The following MAP4K4 variants were observed in gnomAD, a reference collection of about 807,000 sequenced individuals.
MAP4K4 encodes HPK/GCK-like kinase HGK.
A neutral mutation model predicts 189.6 loss-of-function variants in MAP4K4; 38 were observed. The ratio of observed to expected loss-of-function variants is 0.20; its 90% CI spans 0.15 to 0.26. The LOEUF (loss-of-function observed/expected upper bound fraction) is 0.26, where lower values mean the gene tolerates loss of function less well. Among genes scored for constraint, MAP4K4 ranks in the 10% least tolerant of loss-of-function variants. The pLI is 1.00. For synonymous variants in MAP4K4, 610 were observed against 624.3 expected, an observed-to-expected ratio of 0.98 and a Z score of 0.34; for missense variants, 1,054 against 1,726.9, an observed-to-expected ratio of 0.61 and a Z score of 6.91.
At chr2:101,866,152 T>G (rs572215688) in intron 18 of MAP4K4, among the ~76,000 whole-genome samples, 45 of 152,352 alleles carry the variant, frequency 3.0e-4, no homozygotes, top group African/African-American at 1.1e-3. Context: ...ATGGTGCTGC[T>G]TCTACACTGA....
intron 2 of MAP4K4, among the ~76,000 whole-genome samples, chr2:101,710,877 T>C (rs796679042): frequency 3.3e-5 from 5 of 152,290 alleles, no homozygotes; most frequent in African/African-American, 1.2e-4. Flanking sequence ...AGGGGTGTGT[T>C]CCATTGATTA....
chr2:101,890,372 G>GTTGGC (rs2098548548), intron 32 of MAP4K4, among the ~76,000 whole-genome samples: 1 of 152,194 alleles, frequency 6.6e-6, no homozygotes, highest in Admixed American at 6.5e-5. Flanking sequence ...ACAAGCCTGA[G>GTTGGC]TTGTAATAAA....
rs547261127 is a variant in MAP4K4 at position 101,728,079 on chromosome 2, G to A, written c.123+29541G>A. ...TGGCTTGCTCTCATTAAATAACTGA[G>A]GAAACACCCAGGTTACCTCTTTAAG... On this transcript the variant is annotated intron_variant, in intron 2 of 32. Transcript: ENST00000324219. 1.6e-3 allele frequency among the ~76,000 whole-genome samples: 239 copies of A among 152,286 alleles called. 1 individual carries two copies. The highest frequency in any genetic ancestry group is 5.3e-3 in the African/African-American group (220 of 41,550).
At chr2:101,704,455 AT>A (rs2149200220) in intron 2 of MAP4K4, among the ~76,000 whole-genome samples, 1 of 149,226 alleles carries the variant, frequency 6.7e-6, no homozygotes, top group Non-Finnish European at 1.5e-5. Flanking sequence ...TTTGTGATAA[AT>A]GTACATTTAT....
chr2:101,698,085 C>A, exon 1 of MAP4K4: 1 of 1,325,930 alleles, frequency 7.5e-7, no homozygotes, highest in Non-Finnish European at 1.0e-6. Context: ...GGGAAAATGG[C>A]GAACGACTCC....
chr2:101,703,903 C>T (rs955115392), intron 2 of MAP4K4, among the ~76,000 whole-genome samples: 1 of 151,920 alleles, frequency 6.6e-6, no homozygotes, highest in African/African-American at 2.4e-5. Context: ...CCCAGCTACC[C>T]AGGAGGCTGA....
chr2:101,738,215 G>C (rs933577599), intron 2 of MAP4K4, among the ~76,000 whole-genome samples: 6 of 152,182 alleles, frequency 3.9e-5, no homozygotes, highest in Admixed American at 1.3e-4. Context: ...TAAAGACTGG[G>C]ATATTTCCAA....
At chr2:101,819,531 T>G (rs1433928948) in intron 3 of MAP4K4, among the ~76,000 whole-genome samples, 1 of 152,248 alleles carries the variant, frequency 6.6e-6, no homozygotes, top group Non-Finnish European at 1.5e-5. Flanking sequence ...TTTAAAATCA[T>G]AAAATCAAGA....
At chr2:101,704,561 ATATATATTTTTTTTTT>A (rs766959898) in intron 2 of MAP4K4, among the ~76,000 whole-genome samples, 2 of 53,840 alleles carry the variant, frequency 3.7e-5, no homozygotes, top group Non-Finnish European at 5.9e-5. Flanking sequence ...ATATATATAT[ATATATATTTTTTTTTT>A]TTTTTTTTTT....
chr2:101,796,765 T>C (rs1294244624), intron 3 of MAP4K4, among the ~76,000 whole-genome samples: 2 of 152,140 alleles, frequency 1.3e-5, no homozygotes, highest in Non-Finnish European at 2.9e-5. Context: ...GCATGATGTC[T>C]TTTGGGAGCC....
intron 28 of MAP4K4, among the ~76,000 whole-genome samples, chr2:101,883,886 C>G (rs1438030144): frequency 6.6e-6 from 1 of 152,074 alleles, no homozygotes; most frequent in Non-Finnish European, 1.5e-5. Flanking sequence ...GAAAGTAGAA[C>G]TATCTGCTTA....
intron 2 of MAP4K4, among the ~76,000 whole-genome samples, chr2:101,773,334 G>T (rs973319578): frequency 2.0e-5 from 3 of 152,246 alleles, no homozygotes; most frequent in Non-Finnish European, 4.4e-5. Context: ...GGATGTGTCT[G>T]TCTGTTGAGG....
chr2:101,841,168 T>G (rs2149544473), intron 10 of MAP4K4, among the ~76,000 whole-genome samples: 1 of 152,302 alleles, frequency 6.6e-6, no homozygotes, highest in Non-Finnish European at 1.5e-5. Context: ...CACCTTCCCT[T>G]CCTTTCTCTT....
At position 101,841,039 on chromosome 2, in the gene MAP4K4, T is replaced by C. The variant is rs946240187; in HGVS notation, c.949+1045T>C. On this transcript the variant is annotated intron_variant, in intron 10 of 32. Coordinates refer to ENST00000324219, the Ensembl canonical transcript of MAP4K4. ...GGAAAAAAATTATTTGCATATTGGA[T>C]CATTTTCCCATGACTTGACTTAGTA... Among the ~76,000 whole-genome samples the C allele has an allele frequency of 4.6e-5, 7 of 152,212 alleles. 1 individual carries two copies. Among genetic ancestry groups the C allele is most frequent in the Non-Finnish European group, 1.0e-4 (7 of 68,040 alleles).
At chr2:101,700,173 A>T (rs1407968725) in intron 2 of MAP4K4, among the ~76,000 whole-genome samples, 26 of 152,200 alleles carry the variant, frequency 1.7e-4, no homozygotes, top group Non-Finnish European at 1.5e-5. Context: ...CTAGAAGGCG[A>T]TATAGTCTTT....
At chr2:101,842,790 TAGAC>T (rs1186464922) in intron 11 of MAP4K4, 109 bp downstream of exon 11, 7 of 709,086 alleles carry the variant, frequency 9.9e-6, no homozygotes, top group South Asian at 2.4e-5. Flanking sequence ...TTAAATTACT[TAGAC>T]AGCATCTTAC....
chr2:101,824,112 TGGCGGG>T, intron 4 of MAP4K4, 59 bp downstream of exon 4: 3 of 45,592 alleles, frequency 6.6e-5, no homozygotes, highest in Middle Eastern at 3.1e-3. Flanking sequence ...TGTAAGGGCA[TGGCGGG>T]GGTGGGGGCG....
chr2:101,860,687 C>T, intron 15 of MAP4K4, 138 bp from the exon 16 acceptor site: 2 of 674,192 alleles, frequency 3.0e-6, no homozygotes, highest in Non-Finnish European at 4.9e-6. Context: ...CTTCTTTTTT[C>T]CAGCTACCCC....
At chr2:101,747,199 A>G (rs1008141709) in intron 2 of MAP4K4, among the ~76,000 whole-genome samples, 4 of 151,670 alleles carry the variant, frequency 2.6e-5, no homozygotes, top group Non-Finnish European at 4.4e-5. Flanking sequence ...GCTCAGCGCA[A>G]CCTCCGCCTC....
Sources: gnomAD v4.1 joint callset for allele counts (sites outside exome capture counted in the v4.1 genomes callset) on GRCh38, gnomAD v4.1.1 for gene constraint, MANE v1.5 for transcripts, NCBI Gene and HGNC (gene_info 2026-07-23, HGNC 2026-07-21) for gene names.